Variants in AOAH observed in about 807,000 individuals in gnomAD.
The protein encoded by AOAH is acyloxyacyl hydrolase (neutrophil).
Under a neutral mutation model 92.2 loss-of-function variants are expected in AOAH, and 64 were observed. The ratio of observed to expected loss-of-function variants is 0.69; its 90% CI spans 0.57 to 0.86. The LOEUF (loss-of-function observed/expected upper bound fraction) is 0.86. AOAH is among the 40% of genes least tolerant of loss of function. The pLI is 0.00. For missense variants in AOAH, 656 were observed against 694.6 expected, an observed-to-expected ratio of 0.94 and a Z score of 0.62; for synonymous variants, 263 against 254.5, an observed-to-expected ratio of 1.03 and a Z score of -0.32.
At chr7:36,523,760 GC>G (rs1784239406) in intron 19 of AOAH, among the ~76,000 whole-genome samples, 1 of 149,734 alleles carries the variant, frequency 6.7e-6, no homozygotes, top group Admixed American at 6.8e-5. Flanking sequence ...TGCCCTGCTG[GC>G]TGCGATGCTG....
At chr7:36,569,475 ATCTAT>A (rs1562578366) in intron 13 of AOAH, among the ~76,000 whole-genome samples, 1 of 31,562 alleles carries the variant, frequency 3.2e-5, no homozygotes, top group African/African-American at 1.6e-4. Flanking sequence ...AAAAAAATCT[ATCTAT>A]CTATCTATCT....
At chr7:36,521,814 T>G (rs1034843410) in intron 20 of AOAH, among the ~76,000 whole-genome samples, 8 of 152,228 alleles carry the variant, frequency 5.3e-5, no homozygotes, top group Admixed American at 2.0e-4. Context: ...TTATGAATTA[T>G]AGAAATTAAA....
chr7:36,514,273 G>C (rs752301654), intron 20 of AOAH, among the ~76,000 whole-genome samples: 1 of 151,546 alleles, frequency 6.6e-6, no homozygotes, highest in African/African-American at 2.4e-5. Flanking sequence ...CGTGTGCAAA[G>C]GCTCAGAGCT....
chr7:36,632,158 TC>T, intron 5 of AOAH, 52 bp from the exon 6 acceptor site: 1 of 1,476,882 alleles, frequency 6.8e-7, no homozygotes, highest in Non-Finnish European at 9.2e-7. Context: ...AAGGAGTGGT[TC>T]CCCACCTTCT....
In AOAH at chr7:36,690,547, C is replaced by T. The variant is rs186197816; in HGVS notation, c.128-3753G>A. The stretch of plus-strand genomic sequence containing the variant: ...AGGTTTCGCTTCCTTGACAGGCTAA[C>T]GAATGTTTTTCCTGGGAGAGATGCA... On this transcript the variant is annotated intron_variant, in intron 1 of 20. Coordinates refer to ENST00000617537, the MANE Select transcript of AOAH (RefSeq NM_001637.4). Among the ~76,000 whole-genome samples, 227 of 152,328 alleles carry T rather than the reference C, an allele frequency of 1.5e-3. 3 individuals carry two copies. Among genetic ancestry groups the T allele is most frequent in the African/African-American group, 5.2e-3 (218 of 41,576 alleles).
chr7:36,545,512 T>G lies in AOAH; in HGVS notation c.1133+3100A>C, dbSNP rs147716478. ...GTGCCTCGGCTGGCTTCCTCTTAAT[T>G]CAGTGCTGGTCAACTGCCCAGGGTG... On this transcript the variant is annotated intron_variant, in intron 15 of 20. Transcript: ENST00000617537. Among the ~76,000 whole-genome samples, 1,333 of 152,320 alleles carry G rather than the reference T, an allele frequency of 8.8e-3. 20 individuals carry two copies. Among genetic ancestry groups the G allele is most frequent in the African/African-American group, 0.03 (1,260 of 41,568 alleles).
chr7:36,579,798 C>A (rs914446952), intron 12 of AOAH, among the ~76,000 whole-genome samples: 4 of 152,186 alleles, frequency 2.6e-5, no homozygotes, highest in African/African-American at 9.7e-5. Flanking sequence ...GTCTGCCTTT[C>A]CCAGACCACT....
At chr7:36,613,070 C>G (rs760167273) in intron 11 of AOAH, among the ~76,000 whole-genome samples, 1 of 151,994 alleles carries the variant, frequency 6.6e-6, no homozygotes, top group African/African-American at 2.4e-5. Context: ...CTTAGAGAGA[C>G]TGGAGTATTT....
chr7:36,623,307 T>C, intron 6 of AOAH, 57 bp from the exon 7 acceptor site: 1 of 1,477,140 alleles, frequency 6.8e-7, no homozygotes. Context: ...ACAGTGTTGG[T>C]GAAAACAAAT....
intron 13 of AOAH, among the ~76,000 whole-genome samples, chr7:36,554,592 A>G (rs1786544948): frequency 6.6e-6 from 1 of 152,162 alleles, no homozygotes; most frequent in Admixed American, 6.5e-5. Context: ...CCATTTTCAC[A>G]ATATTGATTC....
rs116007153 is a variant in AOAH at position 36,673,763 on chromosome 7, A to G, written c.290+180T>C. On this transcript the variant is annotated intron_variant, in intron 3 of 20. Transcript: ENST00000617537. ...TGTAATTCAAGGGGAGCCTTTGCGT[A>G]GAGTGACGAAGGATCCAAATTAGGT... Among the ~76,000 whole-genome samples the G allele has an allele frequency of 3.1e-3, 465 of 152,296 alleles. 5 individuals carry two copies. Among genetic ancestry groups the G allele is most frequent in the African/African-American group, 0.011 (447 of 41,572 alleles).
chr7:36,582,569 G>C (rs1441225920), intron 12 of AOAH, among the ~76,000 whole-genome samples: 2 of 152,184 alleles, frequency 1.3e-5, no homozygotes, highest in Non-Finnish European at 2.9e-5. Context: ...TTTTCTGAGA[G>C]CTTCCTAATG....
chr7:36,681,895 C>T (rs1205665180), intron 2 of AOAH, among the ~76,000 whole-genome samples: 1 of 152,104 alleles, frequency 6.6e-6, no homozygotes, highest in Non-Finnish European at 1.5e-5. Context: ...ATCCATGAAC[C>T]CCAATGTGCA....
intron 2 of AOAH, among the ~76,000 whole-genome samples, chr7:36,674,223 A>G (rs985484334): frequency 4.8e-4 from 73 of 152,352 alleles, no homozygotes; most frequent in African/African-American, 1.7e-3. Flanking sequence ...GTCCAGGTTA[A>G]AGATAACCAA....
chr7:36,692,854 A>G (rs1190577585), intron 1 of AOAH, among the ~76,000 whole-genome samples: 1 of 152,186 alleles, frequency 6.6e-6, no homozygotes, highest in Non-Finnish European at 1.5e-5. Flanking sequence ...GTGATAGAGG[A>G]ACCTGGTAGT....
chr7:36,616,838 A>G (rs1791923889), intron 10 of AOAH, among the ~76,000 whole-genome samples: 1 of 152,252 alleles, frequency 6.6e-6, no homozygotes, highest in Non-Finnish European at 1.5e-5. Context: ...AACGTCCATT[A>G]CAATTCACTT....
intron 11 of AOAH, among the ~76,000 whole-genome samples, chr7:36,596,421 C>T (rs1790128278): frequency 6.6e-6 from 1 of 151,998 alleles, no homozygotes; most frequent in Non-Finnish European, 1.5e-5. Flanking sequence ...AAGTCTTAAC[C>T]CCACCTCAGA....
intron 2 of AOAH, among the ~76,000 whole-genome samples, chr7:36,678,639 CAA>C (rs1796457485): frequency 7.0e-6 from 1 of 143,238 alleles, no homozygotes; most frequent in Non-Finnish European, 1.5e-5. Context: ...TAGCTCAAGT[CAA>C]AGAGGATGGC....
At chr7:36,711,177 T>C (rs946576963) in intron 1 of AOAH, among the ~76,000 whole-genome samples, 2 of 152,180 alleles carry the variant, frequency 1.3e-5, no homozygotes, top group African/African-American at 2.4e-5. Context: ...GAGACAGCCA[T>C]GTAATCACTA....
Sources: gnomAD v4.1 joint callset for allele counts (sites outside exome capture counted in the v4.1 genomes callset) on GRCh38, gnomAD v4.1.1 for gene constraint, MANE v1.5 for transcripts, NCBI Gene and HGNC (gene_info 2026-07-23, HGNC 2026-07-21) for gene names.